Variants in GPHN observed in about 807,000 individuals in gnomAD.
GPHN encodes the protein gephyrin.
GPHN carries 17 observed loss-of-function variants against 95.5 expected under a neutral mutation model. The ratio of observed to expected loss-of-function variants is 0.18; its 90% CI spans 0.12 to 0.27. The LOEUF (loss-of-function observed/expected upper bound fraction) is 0.27. Ranked by LOEUF, GPHN falls within the 10% of genes least tolerant of loss-of-function variation. The probability of loss-of-function intolerance (pLI) is 1.00; values close to 1 mark genes in which losing one functional copy is unlikely to be tolerated. For missense variants in GPHN, 660 were observed against 978.1 expected, an observed-to-expected ratio of 0.67 and a Z score of 4.34; for synonymous variants, 320 against 322.5, an observed-to-expected ratio of 0.99 and a Z score of 0.08.
At chr14:66,851,530 C>T (rs954984806) in intron 4 of GPHN, among the ~76,000 whole-genome samples, 1 of 152,080 alleles carries the variant, frequency 6.6e-6, no homozygotes, top group Admixed American at 6.6e-5. Context: ...GTTGTTCATT[C>T]TCATAACTAT....
intron 2 of GPHN, among the ~76,000 whole-genome samples, chr14:66,773,717 A>G (rs1414448984): frequency 3.3e-5 from 5 of 152,066 alleles, no homozygotes; most frequent in Non-Finnish European, 7.4e-5. Flanking sequence ...GAACTTACAC[A>G]TCACTGATGT....
chr14:67,184,787 G>T (rs1467276006), downstream of GPHN, among the ~76,000 whole-genome samples: 3 of 152,264 alleles, frequency 2.0e-5, no homozygotes, highest in South Asian at 4.1e-4. Context: ...CATAAAGGTG[G>T]CATCTGAAAT....
intron 10 of GPHN, among the ~76,000 whole-genome samples, chr14:67,031,000 TTTTG>T (rs61031989): frequency 0.29 from 42,986 of 150,104 alleles, 8,301 homozygotes; most frequent in African/African-American, 0.52. Context: ...ATACTGGGGG[TTTTG>T]TTTGTTTGTT....
chr14:67,169,768 G>A (rs191695980), intron 21 of GPHN, among the ~76,000 whole-genome samples: 1 of 152,162 alleles, frequency 6.6e-6, no homozygotes, highest in African/African-American at 2.4e-5. Context: ...GACAGGAAGA[G>A]CAAAAAACAT....
At chr14:67,331,041 G>T in the GPHN span, among the ~76,000 whole-genome samples, 23,583 of 151,858 alleles carry the variant, frequency 0.16, 3,456 homozygotes, top group East Asian at 0.42. Flanking sequence ...TTTTTCTCCT[G>T]TGATATTTCT....
chr14:67,110,949 C>G (rs1326198209), intron 14 of GPHN, among the ~76,000 whole-genome samples: 1 of 152,124 alleles, frequency 6.6e-6, no homozygotes, highest in Non-Finnish European at 1.5e-5. Context: ...GTTATTGAAA[C>G]CAGAGTATAA....
intron 2 of GPHN, among the ~76,000 whole-genome samples, chr14:66,770,595 C>G (rs1480026897): frequency 1.3e-5 from 2 of 152,108 alleles, no homozygotes; most frequent in East Asian, 3.8e-4. Context: ...CAGCTTTTTA[C>G]CTTTAGTAGT....
chr14:67,370,956 G>A, the GPHN span, among the ~76,000 whole-genome samples: 3 of 152,086 alleles, frequency 2.0e-5, no homozygotes, highest in African/African-American at 7.2e-5. Context: ...TTGAGGCCAG[G>A]AGAACAAGTC....
intron 2 of GPHN, among the ~76,000 whole-genome samples, chr14:66,728,102 G>C (rs1211751973): frequency 3.9e-5 from 6 of 152,168 alleles, no homozygotes; most frequent in African/African-American, 1.4e-4. Flanking sequence ...TTCAGAGGGT[G>C]CAAGCCCCAA....
intron 4 of GPHN, among the ~76,000 whole-genome samples, chr14:66,851,863 C>A (rs927414425): frequency 2.0e-5 from 3 of 151,930 alleles, no homozygotes; most frequent in African/African-American, 7.3e-5. Context: ...AGCTGTAGCA[C>A]CAATCAGGAG....
At chr14:67,052,975 A>G (rs988123471) in intron 10 of GPHN, among the ~76,000 whole-genome samples, 4 of 152,022 alleles carry the variant, frequency 2.6e-5, no homozygotes, top group African/African-American at 9.7e-5. Flanking sequence ...ATAGCACTAA[A>G]TGCCCACATC....
At chr14:67,167,855 G>A (rs756938195) in intron 20 of GPHN, among the ~76,000 whole-genome samples, 1 of 152,270 alleles carries the variant, frequency 6.6e-6, no homozygotes, top group East Asian at 1.9e-4. Flanking sequence ...AGACAGCTTG[G>A]TTAGATAATA....
At chr14:67,337,493 A>G in the GPHN span, 2 of 152,004 alleles carry the variant, frequency 1.3e-5, no homozygotes, top group African/African-American at 2.4e-5. Context: ...AGCCTGGGCT[A>G]CAGAATGAGT....
At chr14:67,196,016 C>A in the GPHN span, among the ~76,000 whole-genome samples, 1 of 152,206 alleles carries the variant, frequency 6.6e-6, no homozygotes, top group Non-Finnish European at 1.5e-5. Context: ...GAACTCCTGA[C>A]CTCAGGTGAT....
chr14:67,034,041 A>G (rs1266386984), intron 10 of GPHN, among the ~76,000 whole-genome samples: 1 of 152,242 alleles, frequency 6.6e-6, no homozygotes, highest in Non-Finnish European at 1.5e-5. Context: ...GTTCATCACA[A>G]CTAGACCTGG....
At chr14:67,515,496 C>A in the GPHN span, 1 of 156,908 alleles carries the variant, frequency 6.4e-6, no homozygotes, top group South Asian at 1.7e-4. Context: ...GACAGGCGCT[C>A]GCCCTGCCGC....
the GPHN span, among the ~76,000 whole-genome samples, chr14:67,225,960 T>TGCGCGCGC: frequency 5.0e-5 from 6 of 119,754 alleles, no homozygotes; most frequent in African/African-American, 3.0e-4. Flanking sequence ...TGTGTGTGTG[T>TGCGCGCGC]GTGCGCGCGC....
At chr14:67,306,342 CTTTTG>C in the GPHN span, among the ~76,000 whole-genome samples, 1 of 151,804 alleles carries the variant, frequency 6.6e-6, no homozygotes, top group South Asian at 2.1e-4. Context: ...CTTCTTTTCT[CTTTTG>C]TTTTTTGTTT....
chr14:67,111,165 T>C (rs2078348351), intron 14 of GPHN, among the ~76,000 whole-genome samples: 1 of 152,228 alleles, frequency 6.6e-6, no homozygotes, highest in Admixed American at 6.5e-5. Context: ...CACCTTTCCA[T>C]ATGTAAGGCT....
Sources: gnomAD v4.1 joint callset for allele counts (sites outside exome capture counted in the v4.1 genomes callset) on GRCh38, gnomAD v4.1.1 for gene constraint, MANE v1.5 for transcripts, NCBI Gene and HGNC (gene_info 2026-07-23, HGNC 2026-07-21) for gene names.